STX8: variants seen among roughly 807,000 people sequenced by gnomAD.
The protein encoded by STX8 is syntaxin-8.
Under a neutral mutation model 37.5 loss-of-function variants are expected in STX8, and 23 were observed. The observed-to-expected ratio is 0.61, with a 90% CI of 0.44 to 0.87. The LOEUF (loss-of-function observed/expected upper bound fraction) is 0.87, where lower values mean the gene tolerates loss of function less well. Ranked by LOEUF, STX8 falls within the 40% of genes least tolerant of loss-of-function variation. The pLI, the probability that STX8 is intolerant of heterozygous loss-of-function variation, is 0.00. For missense variants in STX8, 313 were observed against 284.7 expected, an observed-to-expected ratio of 1.10 and a Z score of -0.71; for synonymous variants, 115 against 99.1, an observed-to-expected ratio of 1.16 and a Z score of -0.95.
Position 9,395,460 on chromosome 17 carries a change from C to T in STX8, c.542-16807G>A, listed in dbSNP as rs536077321. Among the ~76,000 whole-genome samples the T allele has an allele frequency of 5.3e-5, 8 of 152,186 alleles. No homozygotes were observed. The East Asian group carries it at 1.5e-3, about 29-fold the overall frequency. On this transcript the variant is annotated intron_variant, in intron 6 of 7. Coordinates refer to ENST00000306357, the MANE Select transcript of STX8 (RefSeq NM_004853.3). ...AAAAAATCAGCCAGGCACCTGTAAT[C>T]CCATCTACTTGGGAGCCTGAGGCAA... is the stretch of plus-strand genomic sequence containing the variant.
rs192620671 is a variant in STX8, at chr17:9,334,612, A to G, written c.643+43940T>C. Among the ~76,000 whole-genome samples, 215 of 152,286 alleles carry G rather than the reference A, an allele frequency of 1.4e-3. 2 individuals are homozygous for G. The highest frequency in any genetic ancestry group is 4.7e-3 in the African/African-American group (195 of 41,564). On this transcript the variant is annotated intron_variant, in intron 7 of 7. Transcript: ENST00000306357. ...GAAGTATGCAGGATATGATCCCAAAATGGTTGAAAGGAATAAAAAAGACAA... is the reference window on the plus strand; with the variant it reads ...GAAGTATGCAGGATATGATCCCAAAGTGGTTGAAAGGAATAAAAAAGACAA...
chr17:9,468,161 G>A (rs1269400619), intron 6 of STX8, among the ~76,000 whole-genome samples: 3 of 152,164 alleles, frequency 2.0e-5, no homozygotes, highest in Non-Finnish European at 4.4e-5. Flanking sequence ...CCAGGCTGGA[G>A]TGCAGTGGCA....
At chr17:9,283,199 A>G (rs1907951328) in intron 7 of STX8, 1 of 152,196 alleles carries the variant, frequency 6.6e-6, no homozygotes, top group South Asian at 2.1e-4. Flanking sequence ...ACTTTTCTTA[A>G]ACTAAAGGGT....
At chr17:9,506,406 CT>C (rs1280773461) in intron 4 of STX8, among the ~76,000 whole-genome samples, 376 of 11,362 alleles carry the variant, frequency 0.033, 5 homozygotes, top group African/African-American at 0.063. Context: ...TGCTCACCCG[CT>C]CCCCCCCCCC....
intron 4 of STX8, among the ~76,000 whole-genome samples, chr17:9,517,425 C>T (rs1357137824): frequency 1.3e-5 from 2 of 152,162 alleles, no homozygotes; most frequent in East Asian, 3.8e-4. Flanking sequence ...CAGTATCACA[C>T]ATTGGTGCTA....
chr17:9,421,628 C>T (rs1913433222), intron 6 of STX8, among the ~76,000 whole-genome samples: 1 of 151,478 alleles, frequency 6.6e-6, no homozygotes. Context: ...CCAATTTAAA[C>T]TGAACAAGTC....
At chr17:9,328,053 C>A (rs532917387) in intron 7 of STX8, among the ~76,000 whole-genome samples, 42 of 151,036 alleles carry the variant, frequency 2.8e-4, no homozygotes, top group Non-Finnish European at 5.8e-4. Context: ...CCTCTCCCCC[C>A]ACCCCCTCTC....
chr17:9,505,992 A>G (rs1320930627), intron 4 of STX8, among the ~76,000 whole-genome samples: 3 of 151,748 alleles, frequency 2.0e-5, no homozygotes, highest in East Asian at 1.9e-4. Flanking sequence ...ACAGAAACAC[A>G]TGCAGGGTTT....
chr17:9,458,491 G>A (rs1905252905), intron 6 of STX8, among the ~76,000 whole-genome samples: 1 of 152,194 alleles, frequency 6.6e-6, no homozygotes, highest in African/African-American at 2.4e-5. Context: ...GTTGAAATCT[G>A]TTGTTTTCTA....
chr17:9,471,031 CTTTTTTTT>C (rs757411419), intron 6 of STX8, among the ~76,000 whole-genome samples: 4 of 33,056 alleles, frequency 1.2e-4, no homozygotes, highest in Non-Finnish European at 1.1e-4. Context: ...CTGCATCCTG[CTTTTTTTT>C]TTTTTTTTTT....
chr17:9,412,708 G>A (rs1415123580), intron 6 of STX8, among the ~76,000 whole-genome samples: 1 of 152,176 alleles, frequency 6.6e-6, no homozygotes, highest in Non-Finnish European at 1.5e-5. Context: ...CATAACTGAT[G>A]TGCCCTCGAC....
intron 6 of STX8, among the ~76,000 whole-genome samples, chr17:9,393,705 T>C (rs959262763): frequency 2.6e-5 from 4 of 151,900 alleles, no homozygotes; most frequent in African/African-American, 9.7e-5. Context: ...AATAACAAAA[T>C]AGAAAAATAA....
intron 7 of STX8, among the ~76,000 whole-genome samples, chr17:9,273,757 G>T (rs1185240861): frequency 6.6e-6 from 1 of 152,222 alleles, no homozygotes; most frequent in African/African-American, 2.4e-5. Flanking sequence ...TTGGCTTGAG[G>T]CCTTTCTGCC....
intron 6 of STX8, among the ~76,000 whole-genome samples, chr17:9,387,017 C>T (rs1826663095): frequency 6.6e-6 from 1 of 151,798 alleles, no homozygotes; most frequent in Non-Finnish European, 1.5e-5. Context: ...TTACAGGCAC[C>T]CCTTAAGTAT....
chr17:9,468,371 A>G (rs1905707472), intron 6 of STX8, among the ~76,000 whole-genome samples: 1 of 152,134 alleles, frequency 6.6e-6, no homozygotes, highest in Non-Finnish European at 1.5e-5. Context: ...CGACCTCCCA[A>G]AGTGCTGGGA....
At chr17:9,525,818 C>T (rs1239166968) in intron 4 of STX8, among the ~76,000 whole-genome samples, 2 of 152,168 alleles carry the variant, frequency 1.3e-5, no homozygotes, top group Non-Finnish European at 2.9e-5. Context: ...TGAGTGCTAT[C>T]GTTCATTAAT....
At chr17:9,427,346 G>A (rs894981560) in intron 6 of STX8, among the ~76,000 whole-genome samples, 14 of 152,108 alleles carry the variant, frequency 9.2e-5, no homozygotes, top group Admixed American at 2.0e-4. Flanking sequence ...CCAGGAACAC[G>A]CCTCCCCAGT....
intron 7 of STX8, among the ~76,000 whole-genome samples, chr17:9,295,912 CA>C (rs1908510079): frequency 9.3e-6 from 1 of 107,874 alleles, no homozygotes; most frequent in Non-Finnish European, 2.4e-5. Flanking sequence ...CAGGTGTGGC[CA>C]GGCGCAGTGG....
At chr17:9,488,586 G>A (rs1374615021) in intron 6 of STX8, among the ~76,000 whole-genome samples, 3 of 152,142 alleles carry the variant, frequency 2.0e-5, no homozygotes, top group Non-Finnish European at 4.4e-5. Context: ...TGCCATATGA[G>A]AGGCACTCAA....
Sources: allele counts gnomAD v4.1 joint callset (sites outside exome capture counted in the v4.1 genomes callset), GRCh38; gene constraint gnomAD v4.1.1; transcripts MANE v1.5; gene names NCBI Gene and HGNC (gene_info 2026-07-23, HGNC 2026-07-21).